CPNE8: variants seen among roughly 807,000 people sequenced by gnomAD.
CPNE8 encodes the protein copine-8.
Under a neutral mutation model 81.5 loss-of-function variants are expected in CPNE8, and 45 were observed. The observed-to-expected ratio is 0.55, with a 90% CI of 0.44 to 0.71. The LOEUF (loss-of-function observed/expected upper bound fraction) is 0.71. Ranked by LOEUF, CPNE8 falls within the 30% of genes least tolerant of loss-of-function variation. The pLI, the probability that CPNE8 is intolerant of heterozygous loss-of-function variation, is 0.00. For synonymous variants in CPNE8, 252 were observed against 226.3 expected (o/e 1.11, Z -1.02); for missense variants, 594 against 672.1 (o/e 0.88, Z 1.28).
At chr12:38,835,666 G>T (rs1344214028) in intron 5 of CPNE8, among the ~76,000 whole-genome samples, 1 of 152,086 alleles carries the variant, frequency 6.6e-6, no homozygotes, top group Non-Finnish European at 1.5e-5. Flanking sequence ...TCTAATGAAA[G>T]AATCTTGCCC....
At chr12:38,743,835 CA>C (rs1472251565) in intron 10 of CPNE8, among the ~76,000 whole-genome samples, 2 of 151,796 alleles carry the variant, frequency 1.3e-5, no homozygotes, top group African/African-American at 2.4e-5. Flanking sequence ...GTAATTCAAT[CA>C]AAAAAATTTA....
At chr12:38,881,203 C>G (rs1479751536) in intron 1 of CPNE8, among the ~76,000 whole-genome samples, 1 of 98,574 alleles carries the variant, frequency 1.0e-5, no homozygotes, top group Non-Finnish European at 2.2e-5. Flanking sequence ...CAGCGAGATT[C>G]CGTCTCAAAA....
At chr12:38,786,799 T>C (rs1942199104) in intron 6 of CPNE8, among the ~76,000 whole-genome samples, 1 of 152,120 alleles carries the variant, frequency 6.6e-6, no homozygotes, top group African/African-American at 2.4e-5. Context: ...CTAGCAATTT[T>C]AAATACATAC....
intron 3 of CPNE8, among the ~76,000 whole-genome samples, chr12:38,872,536 C>T (rs1375539977): frequency 1.3e-5 from 2 of 152,212 alleles, no homozygotes; most frequent in Admixed American, 6.5e-5. Flanking sequence ...AGTCTCTTCA[C>T]TTTTGCTTCA....
chr12:38,654,197 G>T, intron 19 of CPNE8, 127 bp from the exon 20 acceptor site: 15 of 1,222,554 alleles, frequency 1.2e-5, no homozygotes, highest in Non-Finnish European at 1.6e-5. Flanking sequence ...TGGAGAGATG[G>T]ATAACAATTA....
intron 1 of CPNE8, among the ~76,000 whole-genome samples, chr12:38,880,630 T>C (rs1285348826): frequency 6.6e-6 from 1 of 152,186 alleles, no homozygotes; most frequent in Non-Finnish European, 1.5e-5. Context: ...TTTGTATGTA[T>C]ATATATTTTT....
rs141056036 is a variant in CPNE8 at position 38,783,031 on chromosome 12, C to T, written c.408-6730G>A. 1.1e-3 allele frequency among the ~76,000 whole-genome samples: 171 copies of T among 152,070 alleles called. 1 individual carries two copies. The highest frequency in any genetic ancestry group is 4.0e-3 in the African/African-American group (164 of 41,500). On this transcript the variant is annotated intron_variant, in intron 6 of 19. Coordinates refer to ENST00000331366, the MANE Select transcript of CPNE8 (RefSeq NM_153634.3). ...GAAATTATATCAGAAAAGAAAGTTA[C>T]CAAAAAAGATCAATTTTAAAGATTG... is the stretch of plus-strand genomic sequence containing the variant.
chr12:38,859,045 A>G (rs987711089), intron 3 of CPNE8, among the ~76,000 whole-genome samples: 1 of 152,196 alleles, frequency 6.6e-6, no homozygotes, highest in Non-Finnish European at 1.5e-5. Context: ...GAAAAAGGCA[A>G]AGATGACAAT....
intron 19 of CPNE8, among the ~76,000 whole-genome samples, chr12:38,661,717 G>C (rs944958000): frequency 6.6e-6 from 1 of 152,146 alleles, no homozygotes; most frequent in Non-Finnish European, 1.5e-5. Flanking sequence ...AAAATCTACA[G>C]GTTAATATTC....
Position 38,738,621 on chromosome 12 carries a change from C to T in CPNE8, c.723-8263G>A, listed in dbSNP as rs987730737. On this transcript the variant is annotated intron_variant, in intron 10 of 19. Coordinates refer to ENST00000331366, the MANE Select transcript of CPNE8 (RefSeq NM_153634.3). Reference sequence around the variant, plus strand: ...GACAGTGTACTGTAATCCTTGACATCGATTTTATTTGACAACTCAGATCTT... The same window carrying T: ...GACAGTGTACTGTAATCCTTGACATTGATTTTATTTGACAACTCAGATCTT... Among the ~76,000 whole-genome samples the T allele has an allele frequency of 5.9e-5, 9 of 152,078 alleles. 1 individual carries two copies. Among genetic ancestry groups the T allele is most frequent in the Non-Finnish European group, 1.0e-4 (7 of 67,970 alleles).
intron 10 of CPNE8, among the ~76,000 whole-genome samples, chr12:38,740,051 T>A (rs1941057283): frequency 6.6e-6 from 1 of 152,206 alleles, no homozygotes; most frequent in African/African-American, 2.4e-5. Flanking sequence ...AATATAAGGA[T>A]ATTTTTCTAT....
chr12:38,706,484 C>T (rs1356723839), intron 13 of CPNE8, among the ~76,000 whole-genome samples: 1 of 152,056 alleles, frequency 6.6e-6, no homozygotes, highest in Non-Finnish European at 1.5e-5. Context: ...ATAAAAAAAT[C>T]TGGATATAAT....
chr12:38,903,717 T>G (rs1474022500), intron 1 of CPNE8, among the ~76,000 whole-genome samples: 2 of 152,230 alleles, frequency 1.3e-5, no homozygotes, highest in Non-Finnish European at 2.9e-5. Flanking sequence ...CTATCCATTA[T>G]CTGTATATAC....
chr12:38,752,111 T>G (rs1481232100), intron 10 of CPNE8, among the ~76,000 whole-genome samples: 1 of 152,246 alleles, frequency 6.6e-6, no homozygotes, highest in Non-Finnish European at 1.5e-5. Context: ...CATAAAACTA[T>G]AAATAATTAC....
intron 11 of CPNE8, among the ~76,000 whole-genome samples, chr12:38,727,674 G>T (rs768736956): frequency 6.6e-6 from 1 of 152,136 alleles, no homozygotes; most frequent in African/African-American, 2.4e-5. Flanking sequence ...GTTTAACAGC[G>T]TATCTGCTGG....
chr12:38,655,499 A>AAT (rs1938797964), intron 19 of CPNE8, among the ~76,000 whole-genome samples: 1 of 152,224 alleles, frequency 6.6e-6, no homozygotes, highest in Non-Finnish European at 1.5e-5. Flanking sequence ...ATTTGAGTAC[A>AAT]ATATATAAAA....
intron 6 of CPNE8, among the ~76,000 whole-genome samples, chr12:38,798,138 CAGG>C (rs1565622399): frequency 6.6e-6 from 1 of 152,082 alleles, no homozygotes. Context: ...AGACATTATC[CAGG>C]AGAACTTCCC....
chr12:38,725,369 C>T (rs1045689081), intron 11 of CPNE8, among the ~76,000 whole-genome samples: 4 of 152,274 alleles, frequency 2.6e-5, no homozygotes, highest in South Asian at 2.1e-4. Context: ...GTTTCCCATG[C>T]TACATAATAA....
intron 1 of CPNE8, among the ~76,000 whole-genome samples, chr12:38,886,368 G>A (rs1255739389): frequency 6.6e-6 from 1 of 152,202 alleles, no homozygotes; most frequent in African/African-American, 2.4e-5. Context: ...AGTGCTTAGA[G>A]CAAACCCAGC....
Sources: gnomAD v4.1 joint callset for allele counts (sites outside exome capture counted in the v4.1 genomes callset) on GRCh38, gnomAD v4.1.1 for gene constraint, MANE v1.5 for transcripts, NCBI Gene and HGNC (gene_info 2026-07-23, HGNC 2026-07-21) for gene names.